STRN3: variants seen among roughly 807,000 people sequenced by gnomAD.
STRN3 encodes the protein striatin 3.
A neutral mutation model predicts 95.6 loss-of-function variants in STRN3; 29 were observed. That is an observed-to-expected ratio of 0.30 (90% CI 0.23 to 0.41). STRN3 has a LOEUF of 0.41. Among genes scored for constraint, STRN3 ranks in the 10% least tolerant of loss-of-function variants. The pLI is 1.00. For missense variants in STRN3, 890 were observed against 972.1 expected (o/e 0.92, Z 1.12); for synonymous variants, 331 against 357.6 (o/e 0.93, Z 0.84).
At chr14:30,943,278 C>T (rs532824874) in intron 5 of STRN3, among the ~76,000 whole-genome samples, 8 of 152,154 alleles carry the variant, frequency 5.3e-5, no homozygotes, top group Non-Finnish European at 1.2e-4. Flanking sequence ...AAGAAGAAAG[C>T]CTCGATTAAA....
Position 30,940,803 on chromosome 14 carries a change from T to C in STRN3, c.717-4179A>G, listed in dbSNP as rs185625198. Among the ~76,000 whole-genome samples the C allele has an allele frequency of 7.7e-4, 117 of 152,348 alleles. 1 individual carries two copies. The highest frequency in any genetic ancestry group is 1.3e-3 in the African/African-American group (53 of 41,580). Reference sequence around the variant, plus strand: ...TCTTTTTGAAACTCCTAGTCCGACATTGACCCTCTCAACTTGATCTTTGAA... The same window carrying C: ...TCTTTTTGAAACTCCTAGTCCGACACTGACCCTCTCAACTTGATCTTTGAA... On this transcript the variant is annotated intron_variant, in intron 5 of 17. Coordinates refer to ENST00000357479, the MANE Select transcript of STRN3 (RefSeq NM_001083893.2).
chr14:31,004,647 C>T (rs1044011904), intron 1 of STRN3, among the ~76,000 whole-genome samples: 3 of 151,966 alleles, frequency 2.0e-5, no homozygotes, highest in Non-Finnish European at 2.9e-5. Flanking sequence ...GTGGCACATC[C>T]CTGTAATCCC....
At chr14:30,929,351 T>C (rs756454177) in intron 7 of STRN3, 40 bp from the exon 8 acceptor site, 1 of 1,521,978 alleles carries the variant, frequency 6.6e-7, no homozygotes. Flanking sequence ...AAATCAGCAG[T>C]TGGCAATGCA....
At chr14:30,983,708 T>A (rs1204305721) in intron 1 of STRN3, among the ~76,000 whole-genome samples, 1 of 152,098 alleles carries the variant, frequency 6.6e-6, no homozygotes, top group African/African-American at 2.4e-5. Flanking sequence ...GTTAAGAAAG[T>A]AAAGATGAAT....
intron 1 of STRN3, 72 bp from the exon 2 acceptor site, chr14:30,956,314 G>A (rs1441542529): frequency 4.3e-6 from 6 of 1,382,874 alleles, no homozygotes; most frequent in African/African-American, 4.3e-5. Context: ...AATGGAAAAC[G>A]ATAAACACAA....
intron 7 of STRN3, among the ~76,000 whole-genome samples, chr14:30,931,455 AAATTC>A (rs1878534398): frequency 6.6e-6 from 1 of 152,230 alleles, no homozygotes; most frequent in Non-Finnish European, 1.5e-5. Context: ...CAAAAACACG[AAATTC>A]TATTACGGCA....
At chr14:31,018,759 C>A in intron 1 of STRN3, 3 of 472,852 alleles carry the variant, frequency 6.3e-6, no homozygotes, top group South Asian at 4.8e-5. Flanking sequence ...CGAACTTGCT[C>A]AAATCAATAG....
chr14:30,942,745 G>A (rs1879155521), intron 5 of STRN3, among the ~76,000 whole-genome samples: 1 of 151,910 alleles, frequency 6.6e-6, no homozygotes, highest in African/African-American at 2.4e-5. Context: ...ATACAATAGT[G>A]CCACTCACTC....
intron 1 of STRN3, among the ~76,000 whole-genome samples, chr14:30,989,497 G>C (rs560995258): frequency 1.3e-5 from 2 of 152,296 alleles, no homozygotes; most frequent in African/African-American, 4.8e-5. Context: ...GTCTGGCTCT[G>C]TCGCCCAGGC....
intron 1 of STRN3, among the ~76,000 whole-genome samples, chr14:31,000,400 T>C (rs140707583): frequency 2.6e-5 from 4 of 151,912 alleles, no homozygotes; most frequent in Non-Finnish European, 5.9e-5. Flanking sequence ...TAAAGCTTTA[T>C]AGGAACAAAG....
At chr14:30,914,946 T>C (rs1438071126) in intron 9 of STRN3, among the ~76,000 whole-genome samples, 1 of 152,248 alleles carries the variant, frequency 6.6e-6, no homozygotes, top group East Asian at 1.9e-4. Flanking sequence ...TGAATGACTA[T>C]TATCTAAATA....
chr14:30,990,332 ATTTT>A (rs1025046367), intron 1 of STRN3, among the ~76,000 whole-genome samples: 1 of 149,702 alleles, frequency 6.7e-6, no homozygotes, highest in Admixed American at 6.7e-5. Context: ...CACCCGGCTA[ATTTT>A]TTTTTGCATT....
intron 5 of STRN3, among the ~76,000 whole-genome samples, chr14:30,937,615 T>C (rs1374298790): frequency 6.6e-6 from 1 of 152,138 alleles, no homozygotes; most frequent in Non-Finnish European, 1.5e-5. Flanking sequence ...AACAAAACAG[T>C]AGAAAATTCA....
intron 9 of STRN3, among the ~76,000 whole-genome samples, chr14:30,913,928 CTT>C (rs60820962): frequency 0.096 from 14,648 of 152,106 alleles, 752 homozygotes; most frequent in South Asian, 0.16. Flanking sequence ...GTCTAAATCT[CTT>C]ATCACTTCAG....
intron 14 of STRN3, among the ~76,000 whole-genome samples, chr14:30,906,654 A>C (rs1164973878): frequency 6.6e-6 from 1 of 152,184 alleles, no homozygotes; most frequent in South Asian, 2.1e-4. Context: ...ATAGTTTTAC[A>C]TTTTTAAAAA....
chr14:30,978,173 C>T (rs984651323), intron 1 of STRN3, among the ~76,000 whole-genome samples: 7 of 152,226 alleles, frequency 4.6e-5, no homozygotes, highest in Middle Eastern at 3.4e-3. Flanking sequence ...CCAGCATTAT[C>T]CTAATACCAA....
rs562683808 is a variant in STRN3, at chr14:30,927,881, C to T, written c.1099+1320G>A. 4.1e-3 allele frequency among the ~76,000 whole-genome samples: 563 copies of T among 138,216 alleles called. 4 individuals are homozygous for T. Among genetic ancestry groups the T allele is most frequent in the Non-Finnish European group, 5.6e-3 (374 of 66,246 alleles). The allele number at this position is 138,216 out of a possible 152,430, so 90.7% of individuals were successfully genotyped here. ...CCGGGAGGCAGAGGTTGCAGTGAGC[C>T]GAGATTGCACCGCTGCACTCCAGCC... On this transcript the variant is annotated intron_variant, in intron 8 of 17. Coordinates refer to ENST00000357479, the MANE Select transcript of STRN3 (RefSeq NM_001083893.2).
chr14:30,922,854 G>A (rs907092237), intron 8 of STRN3, among the ~76,000 whole-genome samples: 4 of 44,372 alleles, frequency 9.0e-5, no homozygotes, highest in African/African-American at 2.5e-4. Flanking sequence ...TTTAAAAAGT[G>A]CACTGATTAG....
At chr14:30,998,063 C>A (rs1336444072) in intron 1 of STRN3, among the ~76,000 whole-genome samples, 1 of 152,122 alleles carries the variant, frequency 6.6e-6, no homozygotes, top group East Asian at 1.9e-4. Context: ...TCCATGAAAT[C>A]CAATAGCCCA....
Sources: gnomAD v4.1 joint callset for allele counts (sites outside exome capture counted in the v4.1 genomes callset) on GRCh38, gnomAD v4.1.1 for gene constraint, MANE v1.5 for transcripts, NCBI Gene and HGNC (gene_info 2026-07-23, HGNC 2026-07-21) for gene names.